Variants in ASPH observed in about 807,000 individuals in gnomAD.
ASPH encodes the protein aspartate beta-hydroxylase, also known as aspartyl/asparaginyl beta-hydroxylase.
ASPH carries 100 observed loss-of-function variants against 118.4 expected under a neutral mutation model. That is an observed-to-expected ratio of 0.84 (90% confidence interval 0.72 to 1.00). The LOEUF (loss-of-function observed/expected upper bound fraction) is 1.00, where lower values mean the gene tolerates loss of function less well. Ranked by LOEUF, ASPH falls within the 50% of genes least tolerant of loss-of-function variation. The pLI is 0.00. For missense variants in ASPH, 920 were observed against 919.5 expected (o/e 1.00, Z -0.01); for synonymous variants, 315 against 325.6 (o/e 0.97, Z 0.35).
At chr8:61,598,518 G>A (rs1843054415) in intron 14 of ASPH, among the ~76,000 whole-genome samples, 1 of 152,152 alleles carries the variant, frequency 6.6e-6, no homozygotes, top group Non-Finnish European at 1.5e-5. Context: ...TAAAGGAAGA[G>A]ACAGACTCTA....
At chr8:61,640,082 G>A (rs577805996) in intron 10 of ASPH, among the ~76,000 whole-genome samples, 7 of 152,216 alleles carry the variant, frequency 4.6e-5, no homozygotes, top group African/African-American at 9.6e-5. Context: ...AAAGTCACCC[G>A]TTGAGGCCAC....
intron 14 of ASPH, among the ~76,000 whole-genome samples, chr8:61,604,068 G>A (rs1245929533): frequency 1.3e-5 from 2 of 152,230 alleles, no homozygotes; most frequent in Non-Finnish European, 2.9e-5. Flanking sequence ...CTAAACAGGT[G>A]GCTTACAGCC....
intron 18 of ASPH, among the ~76,000 whole-genome samples, chr8:61,561,926 C>A (rs901105371): frequency 3.3e-5 from 5 of 152,020 alleles, no homozygotes; most frequent in African/African-American, 1.2e-4. Context: ...GACCACGTGT[C>A]AAAAACAAAA....
chr8:61,619,063 C>G, intron 13 of ASPH, 44 bp from the exon 14 acceptor site: 1 of 1,360,430 alleles, frequency 7.4e-7, no homozygotes, highest in Non-Finnish European at 1.0e-6. Flanking sequence ...TGCAAGTCAC[C>G]ATTCAGTATC....
chr8:61,714,334 C>T lies in ASPH; in HGVS notation c.38G>A (p.Ser13Asn). The T allele has an allele frequency of 6.6e-7, 1 of 1,518,084 alleles. No homozygotes were observed. The highest frequency in any genetic ancestry group is 2.1e-5 in the Admixed American group (1 of 47,474). 94.0% of individuals were successfully genotyped at this position (1,518,084 alleles called of 1,614,324 possible). A position where few individuals can be genotyped will look rare whatever the true frequency, so the allele number is the denominator to read the frequency against. ...ACCGCTGCCGGAGCCGCTGCTGCTG[C>T]TGTTGCCGCTGCTCTTGGCATTCTT... ...QRKNAKSSGN[S>N]SSSGSGSGST... Residue 13 changes from serine to asparagine, a missense_variant, in exon 1 of 25, where the codon AGC becomes AAC. Transcript: ENST00000379454.
At chr8:61,542,981 T>C (rs1251546259) in intron 21 of ASPH, among the ~76,000 whole-genome samples, 1 of 152,200 alleles carries the variant, frequency 6.6e-6, no homozygotes, top group Non-Finnish European at 1.5e-5. Context: ...ATAAGTCCTC[T>C]TTCTCTGTGT....
At chr8:61,673,338 G>A (rs1215816851) in intron 3 of ASPH, among the ~76,000 whole-genome samples, 1 of 152,124 alleles carries the variant, frequency 6.6e-6, no homozygotes, top group African/African-American at 2.4e-5. Flanking sequence ...CCAAAGCAAG[G>A]CAGGCTGAAG....
At chr8:61,663,492 C>A (rs774980788) in intron 3 of ASPH, 36 of 985,214 alleles carry the variant, frequency 3.7e-5, no homozygotes, top group Non-Finnish European at 4.3e-5. Flanking sequence ...GAAACCAGCA[C>A]AGTTAAGACT....
chr8:61,653,677 A>G lies in ASPH; in HGVS notation c.323-17T>C. The G allele has an allele frequency of 6.2e-7, 1 of 1,610,168 alleles. No individual in the cohort carries two copies. The highest frequency in any genetic ancestry group is 8.5e-7 in the Non-Finnish European group (1 of 1,178,772). ...CTTTAAGTCCTGCATTTTTTTATTC[A>G]CAAAGTTAACTTGAGTTTTTGTGGG... On this transcript the variant is annotated splice_polypyrimidine_tract_variant and intron_variant, in intron 3 of 24. Transcript: ENST00000379454.
chr8:61,567,725 G>A (rs1179453833), intron 16 of ASPH, among the ~76,000 whole-genome samples: 1 of 152,154 alleles, frequency 6.6e-6, no homozygotes, highest in Non-Finnish European at 1.5e-5. Context: ...AATGTGGCAG[G>A]CATATTGAAC....
Position 61,714,510 on chromosome 8 carries a change from T to C in ASPH, c.-139A>G. The C allele has an allele frequency of 8.1e-7, 1 of 1,235,132 alleles. No homozygotes were observed. The highest frequency in any genetic ancestry group is 2.1e-5 in the South Asian group (1 of 48,754). 76.5% of individuals were successfully genotyped at this position (1,235,132 alleles called of 1,614,324 possible). On this transcript the variant is annotated 5_prime_UTR_variant, in exon 1 of 25. Coordinates refer to ENST00000379454, the MANE Select transcript of ASPH (RefSeq NM_004318.4). ...CTGCTCCTGCAGCAGACCCTGTGCC[T>C]CAGCACCGCCTGCAGCACCTGGGAA...
In ASPH at chr8:61,685,068, T is replaced by C. The variant is rs1010393375; in HGVS notation, c.104-880A>G. Among the ~76,000 whole-genome samples the C allele has an allele frequency of 7.2e-5, 11 of 152,276 alleles. 1 individual carries two copies. Among genetic ancestry groups the C allele is most frequent in the Admixed American group, 7.2e-4 (11 of 15,288 alleles). On this transcript the variant is annotated intron_variant, in intron 1 of 24. Transcript: ENST00000379454. ...AGGCCAGGGCGGTGTCTCCCATTTGTGTGGCAGGTAGAGTCGCCATCAAAG... is the reference window on the plus strand; with the variant it reads ...AGGCCAGGGCGGTGTCTCCCATTTGCGTGGCAGGTAGAGTCGCCATCAAAG...
intron 12 of ASPH, among the ~76,000 whole-genome samples, chr8:61,635,652 C>A (rs1279065848): frequency 6.6e-6 from 1 of 151,958 alleles, no homozygotes; most frequent in African/African-American, 2.4e-5. Context: ...TATAAATGGC[C>A]CCATCATCTA....
chr8:61,504,691 A>G (rs1805747557), intron 24 of ASPH, among the ~76,000 whole-genome samples: 1 of 152,166 alleles, frequency 6.6e-6, no homozygotes, highest in African/African-American at 2.4e-5. Flanking sequence ...CATTCCCTAT[A>G]CCATGAGGTT....
chr8:61,628,060 C>CT (rs1490695254), intron 13 of ASPH, among the ~76,000 whole-genome samples: 1 of 152,088 alleles, frequency 6.6e-6, no homozygotes, highest in African/African-American at 2.4e-5. Flanking sequence ...TCTTACTAGT[C>CT]TCTACCTCCT....
At chr8:61,607,762 T>G (rs1846046812) in intron 14 of ASPH, among the ~76,000 whole-genome samples, 1 of 152,184 alleles carries the variant, frequency 6.6e-6, no homozygotes, top group South Asian at 2.1e-4. Context: ...CGAAGTGGAA[T>G]GCATCTGCCA....
intron 6 of ASPH, among the ~76,000 whole-genome samples, chr8:61,645,764 A>G (rs1008432709): frequency 6.6e-6 from 1 of 152,236 alleles, no homozygotes; most frequent in Non-Finnish European, 1.5e-5. Context: ...AACAATAGGC[A>G]TGGATATAAG....
chr8:61,640,873 T>C (rs1045006214), intron 10 of ASPH, among the ~76,000 whole-genome samples: 4 of 152,228 alleles, frequency 2.6e-5, no homozygotes, highest in African/African-American at 9.6e-5. Context: ...TGGTTCCTAC[T>C]ATAGTTCTAT....
At chr8:61,626,149 A>G (rs989905648) in intron 13 of ASPH, 18 of 1,265,848 alleles carry the variant, frequency 1.4e-5, no homozygotes, top group Non-Finnish European at 1.8e-5. Context: ...AAACATCTTT[A>G]GTGTTCCTTC....
Sources: gnomAD v4.1 joint callset for allele counts (sites outside exome capture counted in the v4.1 genomes callset) on GRCh38, gnomAD v4.1.1 for gene constraint, MANE v1.5 for transcripts, NCBI Gene and HGNC (gene_info 2026-07-23, HGNC 2026-07-21) for gene names.